Variants in BCL7A observed in about 807,000 individuals in gnomAD.
BCL7A encodes the protein B-cell CLL/lymphoma 7 protein family member A.
BCL7A carries 11 observed loss-of-function variants against 28.4 expected under a neutral mutation model. That is an observed-to-expected ratio of 0.39 (90% CI 0.24 to 0.64). The LOEUF (loss-of-function observed/expected upper bound fraction) is 0.64, where lower values mean the gene tolerates loss of function less well. BCL7A is among the 30% of genes least tolerant of loss of function. The pLI, the probability that BCL7A is intolerant of heterozygous loss-of-function variation, is 0.50. For missense variants in BCL7A, 222 were observed against 274.8 expected (o/e 0.81, Z 1.36); for synonymous variants, 123 against 103.3 (o/e 1.19, Z -1.15).
At chr12:122,055,226 C>T (rs1951868877) in intron 5 of BCL7A, among the ~76,000 whole-genome samples, 2 of 152,226 alleles carry the variant, frequency 1.3e-5, no homozygotes. Flanking sequence ...CAGGTTCACA[C>T]AGGCATTGCC....
chr12:122,035,974 G>GCA (rs1883843436), intron 3 of BCL7A, among the ~76,000 whole-genome samples: 1 of 152,186 alleles, frequency 6.6e-6, no homozygotes, highest in Admixed American at 6.5e-5. Flanking sequence ...CCAAGCAGCT[G>GCA]GGATTACAGC....
chr12:122,040,532 C>CAA lies in BCL7A; in HGVS notation c.272-3337_272-3336dup, dbSNP rs1021397193. Among the ~76,000 whole-genome samples, 124 of 59,716 alleles carry CAA rather than the reference C, an allele frequency of 2.1e-3. 1 individual carries two copies. Among genetic ancestry groups the CAA allele is most frequent in the African/African-American group, 6.3e-3 (100 of 15,786 alleles). 39.2% of individuals were successfully genotyped at this position (59,716 alleles called of 152,430 possible). A position where few individuals can be genotyped will look rare whatever the true frequency, so the allele number is the denominator to read the frequency against. ...GGGCAAGAGAGTGAGGCCGTGTCTC[C>CAA]AAAAAAAAAAAAAAAAAACCAAAAG... On this transcript the variant is annotated intron_variant, in intron 3 of 5. Transcript: ENST00000261822.
chr12:122,050,986 T>G (rs1324574432), intron 4 of BCL7A, among the ~76,000 whole-genome samples: 1 of 152,216 alleles, frequency 6.6e-6, no homozygotes, highest in Non-Finnish European at 1.5e-5. Context: ...GGGCTTCGTG[T>G]GCAGCCGCGT....
intron 1 of BCL7A, among the ~76,000 whole-genome samples, chr12:122,022,512 G>T (rs1489656157): frequency 1.4e-5 from 2 of 145,720 alleles, no homozygotes; most frequent in Non-Finnish European, 3.1e-5. Flanking sequence ...GGGGGCTCGG[G>T]GCCGGCCCCA....
intron 1 of BCL7A, among the ~76,000 whole-genome samples, chr12:122,023,901 G>A (rs186290169): frequency 3.3e-5 from 5 of 152,336 alleles, no homozygotes; most frequent in African/African-American, 1.2e-4. Context: ...TCGCCGGCCT[G>A]GAGGTTGGGA....
intron 3 of BCL7A, among the ~76,000 whole-genome samples, chr12:122,043,122 C>T (rs1883993494): frequency 6.6e-6 from 1 of 151,890 alleles, no homozygotes; most frequent in Non-Finnish European, 1.5e-5. Context: ...AAGTGGAACT[C>T]AGCTCCAGGC....
intron 3 of BCL7A, among the ~76,000 whole-genome samples, chr12:122,037,275 C>T (rs1883875490): frequency 6.6e-6 from 1 of 152,206 alleles, no homozygotes; most frequent in Admixed American, 6.5e-5. Flanking sequence ...TATCTCTTGA[C>T]CCCAATTTCA....
chr12:122,037,149 A>G lies in BCL7A; in HGVS notation c.271+1722A>G, dbSNP rs968860330. On this transcript the variant is annotated intron_variant, in intron 3 of 5. Transcript: ENST00000261822. ...GGGCTGCCTGGAACTGCCTGAAGCC[A>G]GAGCCGCCTTCCCTTAGCAAGAGTG... 5.9e-5 allele frequency among the ~76,000 whole-genome samples: 9 copies of G among 152,358 alleles called. No homozygotes were observed. In the East Asian group the frequency reaches 1.5e-3, roughly 26 times the overall value.
chr12:122,052,609 CTG>C (rs751051329), intron 4 of BCL7A, among the ~76,000 whole-genome samples: 2 of 152,142 alleles, frequency 1.3e-5, no homozygotes, highest in African/African-American at 2.4e-5. Context: ...ATCATATACT[CTG>C]TGGCCTTTTG....
intron 3 of BCL7A, among the ~76,000 whole-genome samples, chr12:122,042,452 C>T (rs905811482): frequency 6.6e-6 from 1 of 151,878 alleles, no homozygotes; most frequent in South Asian, 2.1e-4. Flanking sequence ...GCCAAGAGTT[C>T]GAGACCAGGC....
intron 3 of BCL7A, among the ~76,000 whole-genome samples, chr12:122,042,066 T>C (rs1011513909): frequency 1.1e-4 from 17 of 151,830 alleles, no homozygotes; most frequent in Admixed American, 1.1e-3. Flanking sequence ...ACAGACTCCA[T>C]CTCAAAAAAA....
intron 5 of BCL7A, among the ~76,000 whole-genome samples, chr12:122,058,220 G>A (rs1951891504): frequency 6.6e-6 from 1 of 152,066 alleles, no homozygotes; most frequent in Non-Finnish European, 1.5e-5. Context: ...AAAGAACTTG[G>A]AAAAGCTGGT....
chr12:122,047,965 G>A (rs143635018), intron 4 of BCL7A, among the ~76,000 whole-genome samples: 50 of 145,126 alleles, frequency 3.4e-4, no homozygotes, highest in African/African-American at 1.3e-3. Context: ...GTGCAATGGT[G>A]CAACCTTGGT....
intron 4 of BCL7A, among the ~76,000 whole-genome samples, chr12:122,046,699 A>C (rs1393636592): frequency 2.0e-5 from 3 of 152,174 alleles, no homozygotes; most frequent in Non-Finnish European, 4.4e-5. Flanking sequence ...AGCTTAAAAC[A>C]GGATTGATTT....
chr12:122,054,104 A>C lies in BCL7A; in HGVS notation c.440-701A>C, dbSNP rs963943596. The stretch of plus-strand genomic sequence containing the variant: ...TACCCTTATTATTGTTATTATTTTG[A>C]GACGGAGTTTCGCTCTGTCACCCAA... On this transcript the variant is annotated intron_variant, in intron 4 of 5. Coordinates refer to ENST00000261822, the MANE Select transcript of BCL7A (RefSeq NM_001024808.3). Among the ~76,000 whole-genome samples the C allele has an allele frequency of 2.0e-5, 3 of 152,132 alleles. No homozygotes were observed. The East Asian group carries it at 5.8e-4, about 29-fold the overall frequency.
At chr12:122,036,267 C>T (rs1390908519) in intron 3 of BCL7A, among the ~76,000 whole-genome samples, 2 of 152,116 alleles carry the variant, frequency 1.3e-5, no homozygotes, top group African/African-American at 2.4e-5. Flanking sequence ...ACAGGAAACA[C>T]GCACCTGTAG....
chr12:122,061,297 AGG>A lies in BCL7A; in HGVS notation c.*2135_*2136del, dbSNP rs1477279911. The A allele has an allele frequency of 1.3e-5, 3 of 231,212 alleles. No homozygotes were observed. The highest frequency in any genetic ancestry group is 1.7e-5 in the Non-Finnish European group (2 of 116,850). 14.3% of individuals were successfully genotyped at this position (231,212 alleles called of 1,614,324 possible). On this transcript the variant is annotated 3_prime_UTR_variant, in exon 6 of 6. Transcript: ENST00000261822. Reference sequence around the variant, plus strand: ...GCCGTTGACCGCAGCCTCTCTGGACAGGCAAGGGGAGTTGGCGCAGGTGAGGA... The same window carrying A: ...GCCGTTGACCGCAGCCTCTCTGGACACAAGGGGAGTTGGCGCAGGTGAGGA...
intron 1 of BCL7A, 29 bp downstream of exon 1, chr12:122,022,212 C>T (rs1883479227): frequency 2.1e-6 from 3 of 1,408,370 alleles, no homozygotes; most frequent in African/African-American, 1.5e-5. Context: ...CGCCAGCCGC[C>T]TCCCCGGCCG....
chr12:122,025,346 C>T (rs547731290), intron 1 of BCL7A, among the ~76,000 whole-genome samples: 3 of 152,044 alleles, frequency 2.0e-5, no homozygotes, highest in Admixed American at 1.3e-4. Context: ...AAAAAAAGAG[C>T]CGGGCGCGGT....
Sources: gnomAD v4.1 joint callset for allele counts (sites outside exome capture counted in the v4.1 genomes callset) on GRCh38, gnomAD v4.1.1 for gene constraint, MANE v1.5 for transcripts, NCBI Gene and HGNC (gene_info 2026-07-23, HGNC 2026-07-21) for gene names.